The following CD72 variants were observed in gnomAD, a reference collection of about 807,000 sequenced individuals.
The protein encoded by CD72 is B-cell differentiation antigen CD72.
Under a neutral mutation model 50.7 loss-of-function variants are expected in CD72, and 28 were observed. The observed-to-expected ratio is 0.55, with a 90% CI of 0.41 to 0.76. CD72 has a LOEUF of 0.76. Among genes scored for constraint, CD72 ranks in the 30% least tolerant of loss-of-function variants. The pLI is 0.00. For missense variants in CD72, 403 were observed against 420.6 expected (o/e 0.96, Z 0.37); for synonymous variants, 176 against 171.2 (o/e 1.03, Z -0.22).
intron 1 of CD72, among the ~76,000 whole-genome samples, chr9:35,639,458 TAAAATG>T (rs1197834852): frequency 1.3e-5 from 2 of 151,748 alleles, no homozygotes; most frequent in Non-Finnish European, 2.9e-5. Context: ...AGCAGGATAA[TAAAATG>T]AAAGGAAAAG....
rs1392659423 is a variant in CD72, at chr9:35,610,153, G to A, written c.*170C>T. On this transcript the variant is annotated 3_prime_UTR_variant, in exon 9 of 9. Transcript: ENST00000259633. ...TTTTCCCAGGAACAGTCCAGTTTCA[G>A]GAAGAGGGAGCAGGCAGCAGACTGG... is the stretch of plus-strand genomic sequence containing the variant. The A allele has an allele frequency of 4.9e-6, 1 of 204,532 alleles. No individual in the cohort carries two copies. Among genetic ancestry groups the A allele is most frequent in the African/African-American group, 2.3e-5 (1 of 43,000 alleles). 12.7% of individuals were successfully genotyped at this position (204,532 alleles called of 1,614,324 possible). A position where few individuals can be genotyped will look rare whatever the true frequency, so the allele number is the denominator to read the frequency against.
chr9:35,616,907 G>T, intron 3 of CD72: 1 of 1,273,816 alleles, frequency 7.9e-7, no homozygotes, highest in Non-Finnish European at 1.1e-6. Flanking sequence ...GGACTCGGGG[G>T]CGTTACCTGG....
rs1190937576 is a variant in CD72, at chr9:35,618,235, G to T, written c.69C>A (p.Ser23Arg). 1 of 1,614,098 alleles carries T rather than the reference G, an allele frequency of 6.2e-7. No individual in the cohort carries two copies. Among genetic ancestry groups the T allele is most frequent in the Admixed American group, 1.7e-5 (1 of 60,022 alleles). The change falls in exon 1 of 9, where the codon AGC (serine) becomes AGA (arginine). Residue 23 changes from serine to arginine, a missense_variant. Ser to Arg is a moderately radical substitution (Grantham distance 110, BLOSUM62 -1). Coordinates refer to ENST00000259633, the MANE Select transcript of CD72 (RefSeq NM_001782.3). ...CATCCCCCTTACCCTGTCCTAACCGGCTGGAGATGCTCTTCTTCAGGGGAG... is the reference window on the plus strand; with the variant it reads ...CATCCCCCTTACCCTGTCCTAACCGTCTGGAGATGCTCTTCTTCAGGGGAG... ...VKAPLKKSIS[S>R]RLGQDPGADD...
chr9:35,611,963 G>T, intron 6 of CD72, 44 bp from the exon 7 acceptor site: 1 of 1,046,184 alleles, frequency 9.6e-7, no homozygotes, highest in Non-Finnish European at 1.5e-6. Flanking sequence ...GGAGAGTGAT[G>T]AGAAATATGG....
At chr9:35,640,826 T>C (rs1379215912) in intron 1 of CD72, among the ~76,000 whole-genome samples, 1 of 152,224 alleles carries the variant, frequency 6.6e-6, no homozygotes, top group Non-Finnish European at 1.5e-5. Context: ...GGGGTTGCCA[T>C]TGCCGGCTTG....
chr9:35,642,325 T>A (rs1823348036), intron 1 of CD72, among the ~76,000 whole-genome samples: 1 of 152,228 alleles, frequency 6.6e-6, no homozygotes, highest in South Asian at 2.1e-4. Context: ...TACAGCTTGA[T>A]ATTTAAGTAA....
In CD72 at chr9:35,616,169, T is replaced by G; in HGVS notation, c.462A>C (p.Ala154=). The stretch of plus-strand genomic sequence containing the variant: ...CTCTCCTGGACCCCTGCAGATCCTC[T>G]GCACTCTGTCCCAGCTGCGTTATCT... ...RLKITQLGQS[A]EDLQGSRREL... is the part of the protein sequence containing the mutation. Residue 154 remains alanine, a synonymous_variant, in exon 5 of 9, where the codon GCA becomes GCC. Coordinates refer to ENST00000259633, the MANE Select transcript of CD72 (RefSeq NM_001782.3). The G allele has an allele frequency of 6.2e-7, 1 of 1,614,168 alleles. No individual in the cohort carries two copies. Among genetic ancestry groups the G allele is most frequent in the Non-Finnish European group, 8.5e-7 (1 of 1,180,014 alleles).
intron 5 of CD72, 39 bp downstream of exon 5, chr9:35,615,904 A>G (rs1563895407): frequency 2.0e-6 from 3 of 1,533,842 alleles, no homozygotes; most frequent in Admixed American, 1.7e-5. Context: ...CCTTGCTCCA[A>G]TCCATCCCTC....
chr9:35,628,215 G>T (rs1373721799), intron 1 of CD72, among the ~76,000 whole-genome samples: 4 of 152,246 alleles, frequency 2.6e-5, no homozygotes, highest in African/African-American at 9.6e-5. Flanking sequence ...CAATCCTCCT[G>T]CCTTGGCCTC....
At chr9:35,637,134 CG>C (rs1823297978) in intron 1 of CD72, among the ~76,000 whole-genome samples, 1 of 152,114 alleles carries the variant, frequency 6.6e-6, no homozygotes, top group South Asian at 2.1e-4. Flanking sequence ...CGCTTGAGAA[CG>C]TACTTTGTAA....
upstream of CD72, among the ~76,000 whole-genome samples, chr9:35,620,707 G>A (rs889643401): frequency 6.6e-6 from 1 of 152,072 alleles, no homozygotes; most frequent in South Asian, 2.1e-4. Flanking sequence ...GCATGTGCCT[G>A]TAATTCCAGC....
At chr9:35,636,648 G>A (rs1587908897) in intron 1 of CD72, among the ~76,000 whole-genome samples, 1 of 152,308 alleles carries the variant, frequency 6.6e-6, no homozygotes, top group East Asian at 1.9e-4. Flanking sequence ...TCACCTATAA[G>A]TAATTTCTTA....
At chr9:35,632,182 C>CTTT (rs376745957) in intron 1 of CD72, among the ~76,000 whole-genome samples, 3 of 144,968 alleles carry the variant, frequency 2.1e-5, no homozygotes, top group Non-Finnish European at 1.5e-5. Context: ...ATTTTCTCCT[C>CTTT]TTTTTTTTTT....
At chr9:35,646,517 AG>A (rs1037429649) in exon 1 of CD72, 4 of 152,302 alleles carry the variant, frequency 2.6e-5, no homozygotes, top group Admixed American at 1.3e-4. Flanking sequence ...AGGAATCAAT[AG>A]GGAAACTGCC....
chr9:35,611,782 C>G (rs1273870736), intron 7 of CD72, 22 bp downstream of exon 7: 35 of 1,287,556 alleles, frequency 2.7e-5, no homozygotes, highest in Non-Finnish European at 4.0e-5. Flanking sequence ...TTGAAAATAC[C>G]CAGAAGTCCT....
At chr9:35,645,199 CAAAA>C (rs539705878) in intron 1 of CD72, among the ~76,000 whole-genome samples, 7 of 95,126 alleles carry the variant, frequency 7.4e-5, no homozygotes, top group Non-Finnish European at 5.9e-5. Context: ...AACTCCGTCT[CAAAA>C]AAAAAAAAAA....
At chr9:35,626,523 T>C (rs143546471) in intron 1 of CD72, among the ~76,000 whole-genome samples, 3 of 152,340 alleles carry the variant, frequency 2.0e-5, no homozygotes, top group African/African-American at 7.2e-5. Context: ...TGACTCCAAT[T>C]TTGAAAGTTC....
intron 1 of CD72, among the ~76,000 whole-genome samples, chr9:35,633,672 T>G (rs1467071574): frequency 6.6e-6 from 1 of 152,186 alleles, no homozygotes; most frequent in Non-Finnish European, 1.5e-5. Flanking sequence ...CCTATCCCTT[T>G]GCAGGAAGTC....
At chr9:35,625,887 A>C (rs1049336209) in intron 1 of CD72, among the ~76,000 whole-genome samples, 3 of 152,132 alleles carry the variant, frequency 2.0e-5, no homozygotes, top group African/African-American at 7.2e-5. Context: ...CACCATTGAC[A>C]CCTACTACTT....
Sources: allele counts gnomAD v4.1 joint callset (sites outside exome capture counted in the v4.1 genomes callset), GRCh38; gene constraint gnomAD v4.1.1; transcripts MANE v1.5; gene names NCBI Gene and HGNC (gene_info 2026-07-23, HGNC 2026-07-21).